Variants in CSMD1 observed in about 807,000 individuals in gnomAD.
The protein encoded by CSMD1 is CUB and sushi domain-containing protein 1.
In CSMD1, 213 loss-of-function variants were observed where a neutral mutation model predicts 417.5. The observed-to-expected ratio is 0.51, with a 90% CI of 0.46 to 0.57. The LOEUF (loss-of-function observed/expected upper bound fraction) is 0.57, where lower values mean the gene tolerates loss of function less well. Ranked by LOEUF, CSMD1 falls within the 20% of genes least tolerant of loss-of-function variation. The probability of loss-of-function intolerance (pLI) is 0.00; values close to 1 mark genes in which losing one functional copy is unlikely to be tolerated. For missense variants in CSMD1, 6,923 were observed against 4,529.7 expected (o/e 1.53, Z -15.17); for synonymous variants, 2,862 against 1,736.8 (o/e 1.65, Z -16.11).
At chr8:4,220,296 G>A (rs1045603124) in intron 3 of CSMD1, among the ~76,000 whole-genome samples, 1 of 152,140 alleles carries the variant, frequency 6.6e-6, no homozygotes, top group Non-Finnish European at 1.5e-5. Context: ...TCCTGACAAG[G>A]TTATTTGACT....
At chr8:3,565,164 A>G (rs1390669416) in intron 10 of CSMD1, among the ~76,000 whole-genome samples, 2 of 126,982 alleles carry the variant, frequency 1.6e-5, no homozygotes, top group South Asian at 5.8e-4. Flanking sequence ...AAAAAAAGAG[A>G]GAGATCAAGA....
intron 5 of CSMD1, among the ~76,000 whole-genome samples, chr8:3,770,872 T>C (rs1474908945): frequency 6.6e-6 from 1 of 152,006 alleles, no homozygotes; most frequent in Non-Finnish European, 1.5e-5. Flanking sequence ...GTAGCTCATA[T>C]TTTTTAGTCT....
At chr8:3,791,718 G>A (rs931284249) in intron 5 of CSMD1, among the ~76,000 whole-genome samples, 16 of 152,128 alleles carry the variant, frequency 1.1e-4, no homozygotes, top group African/African-American at 3.9e-4. Context: ...AGCAACTCAG[G>A]AGGCTGAAGC....
rs972370679 is a variant in CSMD1, at chr8:4,031,541, T to G, written c.610+364A>C. ...CACAACATGTGGGAATTGTGGGAACTACCGTTCAACATGAGGTTTGGGTGA... is the reference window on the plus strand; with the variant it reads ...CACAACATGTGGGAATTGTGGGAACGACCGTTCAACATGAGGTTTGGGTGA... On this transcript the variant is annotated intron_variant, in intron 4 of 69. Coordinates refer to ENST00000635120, the MANE Select transcript of CSMD1 (RefSeq NM_033225.6). Among the ~76,000 whole-genome samples, 5 of 152,218 alleles carry G rather than the reference T, an allele frequency of 3.3e-5. No homozygotes were observed. The East Asian group carries it at 9.6e-4, about 29-fold the overall frequency.
rs1333754539 is a variant in CSMD1, at chr8:3,181,201, C to T, written c.5634G>A (p.Pro1878=). 2.7e-5 allele frequency: 44 copies of T among 1,612,686 alleles called. No individual in the cohort carries two copies. The highest frequency in any genetic ancestry group is 4.0e-5 in the African/African-American group (3 of 74,852). The change falls in exon 37 of 70, where the codon CCG becomes CCA. Residue 1878 remains proline (P), a synonymous_variant. Coordinates refer to ENST00000635120, the MANE Select transcript of CSMD1 (RefSeq NM_033225.6). ...RLGSFSGTTV[P]ALLNSTSNQL... Reference sequence around the variant, plus strand: ...GGTTGGAAGTACTGTTCAGCAGTGCCGGTACTGTGGTGCCTGTAAGAAACA... The same window carrying T: ...GGTTGGAAGTACTGTTCAGCAGTGCTGGTACTGTGGTGCCTGTAAGAAACA...
intron 11 of CSMD1, among the ~76,000 whole-genome samples, chr8:3,482,998 T>G (rs975660706): frequency 2.4e-4 from 37 of 152,062 alleles, no homozygotes; most frequent in Non-Finnish European, 5.0e-4. Context: ...GAGGAAAATT[T>G]ATAACAGTAA....
intron 3 of CSMD1, among the ~76,000 whole-genome samples, chr8:4,113,481 T>G (rs1043804061): frequency 7.2e-6 from 1 of 139,232 alleles, no homozygotes; most frequent in Non-Finnish European, 1.5e-5. Context: ...CTTGGCTCAC[T>G]GCAACCTCTG....
At chr8:3,439,491 A>ACC (rs1814827712) in intron 12 of CSMD1, among the ~76,000 whole-genome samples, 1 of 94,700 alleles carries the variant, frequency 1.1e-5, no homozygotes, top group African/African-American at 4.0e-5. Context: ...CTGTGTGTGT[A>ACC]TCTGTGTGTG....
Position 3,409,477 on chromosome 8 carries a change from C to T in CSMD1, c.1690G>A (p.Val564Ile), listed in dbSNP as rs1186951791. ...PAAFELVGER[V>I]ITCQQNNQWS... Reference sequence around the variant, plus strand: ...TGATTGTTCTGCTGACAGGTGATAACTCTCTCCCCCACCAGCTCAAAGGCC... The same window carrying T: ...TGATTGTTCTGCTGACAGGTGATAATTCTCTCCCCCACCAGCTCAAAGGCC... The change falls in exon 13 of 70, where the codon GTT becomes ATT. Residue 564 changes from valine (V) to isoleucine (I), a missense_variant. Physicochemically the swap from Val to Ile is conservative, Grantham distance 29 (BLOSUM62 3). Transcript: ENST00000635120. The T allele has an allele frequency of 1.9e-6, 3 of 1,611,580 alleles. No individual in the cohort carries two copies. Among genetic ancestry groups the T allele is most frequent in the Non-Finnish European group, 2.5e-6 (3 of 1,178,924 alleles).
At chr8:4,781,260 C>A (rs1208289610) in intron 1 of CSMD1, among the ~76,000 whole-genome samples, 3 of 152,150 alleles carry the variant, frequency 2.0e-5, no homozygotes, top group African/African-American at 7.2e-5. Flanking sequence ...GAGGGAATGC[C>A]CTCCTGCAGT....
chr8:2,949,328 T>G lies in CSMD1; in HGVS notation c.10373A>C (p.Asp3458Ala). The G allele has an allele frequency of 6.2e-7, 1 of 1,608,362 alleles. No individual in the cohort carries two copies. Among genetic ancestry groups the G allele is most frequent in the Middle Eastern group, 1.7e-4 (1 of 6,036 alleles). The change falls in exon 68 of 70, where the codon GAC becomes GCC. Residue 3458 changes from aspartate (D) to alanine (A), a missense_variant. Coordinates refer to ENST00000635120, the MANE Select transcript of CSMD1 (RefSeq NM_033225.6). ...FTFQGDIHGK[D>A]FGKFKLERQD... ...CCTTTCTAGCTTAAATTTTCCAAAG[T>G]CTTTTCCATGAATGTCACCTTGAAA...
At chr8:3,675,883 T>C (rs111694841) in intron 7 of CSMD1, among the ~76,000 whole-genome samples, 1 of 152,214 alleles carries the variant, frequency 6.6e-6, no homozygotes, top group African/African-American at 2.4e-5. Flanking sequence ...CTTCTCATGA[T>C]TCTGTCTTGC....
intron 2 of CSMD1, among the ~76,000 whole-genome samples, chr8:4,595,272 A>T (rs564502586): frequency 1.2e-3 from 175 of 148,242 alleles, no homozygotes; most frequent in Non-Finnish European, 2.0e-3. Flanking sequence ...AGGAAGGTAT[A>T]ATATGATAAA....
chr8:3,445,323 T>C (rs1815230156), intron 12 of CSMD1, among the ~76,000 whole-genome samples: 1 of 152,190 alleles, frequency 6.6e-6, no homozygotes, highest in South Asian at 2.1e-4. Flanking sequence ...ATATCCTGGG[T>C]ACCTATCACA....
intron 39 of CSMD1, among the ~76,000 whole-genome samples, chr8:3,153,837 C>T (rs1483709371): frequency 2.6e-5 from 4 of 152,162 alleles, no homozygotes; most frequent in African/African-American, 9.7e-5. Flanking sequence ...GCATCAATCA[C>T]CTAATTACTT....
chr8:4,885,804 G>T (rs1192495203), intron 1 of CSMD1, among the ~76,000 whole-genome samples: 1 of 151,806 alleles, frequency 6.6e-6, no homozygotes, highest in Non-Finnish European at 1.5e-5. Flanking sequence ...TTTGAGTTCT[G>T]AGGAAATCCA....
At chr8:4,439,629 G>A (rs887337770) in intron 2 of CSMD1, among the ~76,000 whole-genome samples, 21 of 152,116 alleles carry the variant, frequency 1.4e-4, no homozygotes, top group African/African-American at 4.3e-4. Context: ...AAGTAAAACA[G>A]CACCATAAGG....
At chr8:3,475,035 T>G (rs1238865480) in intron 11 of CSMD1, among the ~76,000 whole-genome samples, 1 of 152,166 alleles carries the variant, frequency 6.6e-6, no homozygotes, top group Non-Finnish European at 1.5e-5. Context: ...TATTTATTTT[T>G]CCCCATTCTC....
At chr8:4,648,663 A>G (rs1006833691) in intron 1 of CSMD1, among the ~76,000 whole-genome samples, 6 of 152,200 alleles carry the variant, frequency 3.9e-5, no homozygotes, top group South Asian at 2.1e-4. Flanking sequence ...ACAGACAACC[A>G]TGTTTCACCT....
Sources: allele counts gnomAD v4.1 joint callset (sites outside exome capture counted in the v4.1 genomes callset), GRCh38; gene constraint gnomAD v4.1.1; transcripts MANE v1.5; gene names NCBI Gene and HGNC (gene_info 2026-07-23, HGNC 2026-07-21).